The following CCDC30 variants were observed in gnomAD, a reference collection of about 807,000 sequenced individuals.
CCDC30 encodes coiled-coil domain containing 30.
A neutral mutation model predicts 100.2 loss-of-function variants in CCDC30; 70 were observed. That is an observed-to-expected ratio of 0.70 (90% CI 0.58 to 0.85). The LOEUF (loss-of-function observed/expected upper bound fraction) is 0.85. Ranked by LOEUF, CCDC30 falls within the 40% of genes least tolerant of loss-of-function variation. The probability of loss-of-function intolerance (pLI) is 0.00; values close to 1 mark genes in which losing one functional copy is unlikely to be tolerated. For missense variants in CCDC30, 652 were observed against 771.2 expected (o/e 0.85, Z 1.83); for synonymous variants, 233 against 269.5 (o/e 0.86, Z 1.33).
intron 7 of CCDC30, among the ~76,000 whole-genome samples, chr1:42,575,399 C>T (rs1645811731): frequency 6.6e-6 from 1 of 151,798 alleles, no homozygotes; most frequent in Non-Finnish European, 1.5e-5. Context: ...CCCGTAATCC[C>T]AGCACTTTGG....
intron 1 of CCDC30, among the ~76,000 whole-genome samples, chr1:42,465,831 C>G (rs552672474): frequency 6.6e-6 from 1 of 152,286 alleles, no homozygotes; most frequent in South Asian, 2.1e-4. Context: ...ACAGAACTGC[C>G]TCCACAACAG....
At chr1:42,546,174 C>G (rs1005057104) in intron 6 of CCDC30, among the ~76,000 whole-genome samples, 18 of 150,314 alleles carry the variant, frequency 1.2e-4, no homozygotes, top group Non-Finnish European at 2.7e-4. Context: ...TCACCTGAGG[C>G]CAAGAGTTCG....
intron 6 of CCDC30, among the ~76,000 whole-genome samples, chr1:42,555,583 A>G (rs1269983637): frequency 6.6e-6 from 1 of 152,236 alleles, no homozygotes; most frequent in East Asian, 1.9e-4. Flanking sequence ...AAAGTTGAAA[A>G]AGTATAAAAC....
At chr1:42,545,430 A>G (rs1363264088) in intron 6 of CCDC30, 1 of 1,581,486 alleles carries the variant, frequency 6.3e-7, no homozygotes, top group Non-Finnish European at 8.5e-7. Flanking sequence ...TTTCACAAGA[A>G]TTTGCACAAT....
rs745732313 is a variant in CCDC30 at position 42,546,720 on chromosome 1, G to GTCTA, written c.457-19560_457-19557dup. Among the ~76,000 whole-genome samples, 6 of 151,224 alleles carry GTCTA rather than the reference G, an allele frequency of 4.0e-5. No homozygotes were observed. The South Asian group carries it at 6.3e-4, about 16-fold the overall frequency. ...TTTTCTCTTATTTATCTATCTATCT[G>GTCTA]TCTATCTATCTATCTATCTTGTTAA... On this transcript the variant is annotated intron_variant, in intron 6 of 16. Transcript: ENST00000668663.
intron 6 of CCDC30, among the ~76,000 whole-genome samples, chr1:42,548,234 G>A (rs1296125204): frequency 6.6e-6 from 1 of 152,204 alleles, no homozygotes; most frequent in Admixed American, 6.5e-5. Context: ...ACAGTGTTTG[G>A]TAGCGTGGAG....
intron 1 of CCDC30, among the ~76,000 whole-genome samples, chr1:42,474,412 G>A (rs1031367313): frequency 3.3e-5 from 5 of 152,164 alleles, no homozygotes; most frequent in African/African-American, 1.2e-4. Flanking sequence ...CCTAGCAAGT[G>A]TTCAATAAAT....
intron 6 of CCDC30, among the ~76,000 whole-genome samples, chr1:42,509,351 T>G (rs1222727533): frequency 1.3e-5 from 2 of 152,212 alleles, no homozygotes; most frequent in African/African-American, 2.4e-5. Flanking sequence ...GCCATGCAGC[T>G]GGAGGCTACA....
chr1:42,617,444 C>T (rs1383610994), intron 11 of CCDC30, among the ~76,000 whole-genome samples: 3 of 152,096 alleles, frequency 2.0e-5, no homozygotes, highest in African/African-American at 7.2e-5. Flanking sequence ...TCTACTTGTC[C>T]ACTGCCTAGA....
At chr1:42,511,459 AG>A (rs1644476489) in intron 6 of CCDC30, among the ~76,000 whole-genome samples, 1 of 152,168 alleles carries the variant, frequency 6.6e-6, no homozygotes, top group Admixed American at 6.5e-5. Flanking sequence ...GAATGGTTCC[AG>A]TTAACTTCTG....
chr1:42,650,501 G>A (rs759002073), intron 15 of CCDC30, among the ~76,000 whole-genome samples: 3,290 of 110,872 alleles, frequency 0.03, 46 homozygotes, highest in African/African-American at 0.058. Flanking sequence ...ATATATATGT[G>A]TGTGTGTGTG....
At chr1:42,504,056 A>T (rs1332943269) in intron 6 of CCDC30, among the ~76,000 whole-genome samples, 1 of 152,238 alleles carries the variant, frequency 6.6e-6, no homozygotes, top group African/African-American at 2.4e-5. Context: ...ACAGATATTA[A>T]ATTAACTAAA....
chr1:42,642,049 C>T (rs548544866), intron 12 of CCDC30, among the ~76,000 whole-genome samples: 4 of 152,034 alleles, frequency 2.6e-5, no homozygotes, highest in East Asian at 1.9e-4. Context: ...CACGGTGAAA[C>T]CCCATCTCTA....
chr1:42,544,432 T>A (rs1452578317), intron 6 of CCDC30, among the ~76,000 whole-genome samples: 1 of 152,250 alleles, frequency 6.6e-6, no homozygotes, highest in Non-Finnish European at 1.5e-5. Flanking sequence ...GATTTCCATT[T>A]CCGCCCCCAG....
intron 11 of CCDC30, among the ~76,000 whole-genome samples, chr1:42,636,223 G>T: frequency 6.6e-6 from 1 of 152,034 alleles, no homozygotes; most frequent in East Asian, 1.9e-4. Flanking sequence ...TTTAAGACCT[G>T]CCTGGGCAAC....
At chr1:42,466,607 A>G (rs1643592638) in intron 1 of CCDC30, among the ~76,000 whole-genome samples, 1 of 150,474 alleles carries the variant, frequency 6.6e-6, no homozygotes, top group Non-Finnish European at 1.5e-5. Flanking sequence ...GCTGGAGTGC[A>G]GTGTTGAGAT....
the CCDC30 span, chr1:42,457,448 C>G: frequency 9.6e-7 from 1 of 1,039,810 alleles, no homozygotes. Context: ...TCTGTATTCG[C>G]TAGGCACAGG....
At chr1:42,653,341 A>G (rs749950948) in intron 15 of CCDC30, 35 bp from the exon 20 acceptor site, 3 of 1,340,840 alleles carry the variant, frequency 2.2e-6, no homozygotes, top group Non-Finnish European at 3.2e-6. Flanking sequence ...GTTTATCATT[A>G]TAACTTTTCA....
rs146756776 is a variant in CCDC30, at chr1:42,488,709, A to T, written c.170-1449A>T. On this transcript the variant is annotated intron_variant, in intron 3 of 16. Coordinates refer to ENST00000668663, the Ensembl canonical transcript of CCDC30. ...GTCTGATATTATCTAAATTTGGAGCAATATATTTCACTATGTGTGCTATTC... is the reference window on the plus strand; with the variant it reads ...GTCTGATATTATCTAAATTTGGAGCTATATATTTCACTATGTGTGCTATTC... Among the ~76,000 whole-genome samples the T allele has an allele frequency of 1.3e-3, 194 of 152,338 alleles. 1 individual carries two copies. The highest frequency in any genetic ancestry group is 3.1e-3 in the Admixed American group (48 of 15,302).
Sources: allele counts gnomAD v4.1 joint callset (sites outside exome capture counted in the v4.1 genomes callset), GRCh38; gene constraint gnomAD v4.1.1; transcripts MANE v1.5; gene names NCBI Gene and HGNC (gene_info 2026-07-23, HGNC 2026-07-21).